The following MAEA variants were observed in gnomAD, a reference collection of about 807,000 sequenced individuals.
MAEA encodes E3 ubiquitin-protein transferase MAEA.
In MAEA, 22 loss-of-function variants were observed where a neutral mutation model predicts 46.2. That is an observed-to-expected ratio of 0.48 (90% CI 0.34 to 0.68). The LOEUF (loss-of-function observed/expected upper bound fraction) is 0.68, where lower values mean the gene tolerates loss of function less well. Ranked by LOEUF, MAEA falls within the 30% of genes least tolerant of loss-of-function variation. The probability of loss-of-function intolerance (pLI) is 0.01; values close to 1 mark genes in which losing one functional copy is unlikely to be tolerated. For synonymous variants in MAEA, 246 were observed against 222.6 expected, an observed-to-expected ratio of 1.11 and a Z score of -0.94; for missense variants, 393 against 558.1, an observed-to-expected ratio of 0.70 and a Z score of 2.98.
At position 1,338,497 on chromosome 4, in the gene MAEA, G is replaced by A. The variant is rs376976894; in HGVS notation, c.975G>A (p.Ala325=). 29 of 1,612,928 alleles carry A rather than the reference G, an allele frequency of 1.8e-5. No homozygotes were observed. The highest frequency in any genetic ancestry group is 1.6e-4 in the Middle Eastern group (1 of 6,082). ...PVCSRSLNKL[A]QPLPMAHCAN... The stretch of plus-strand genomic sequence containing the variant: ...GCAGCCGCTCCCTGAACAAGCTGGC[G>A]CAGCCCCTGCCCATGGCCCACTGTG... The change falls in exon 8 of 9, where the codon GCG becomes GCA. Residue 325 remains alanine (A), a synonymous_variant. Transcript: ENST00000303400.
At chr4:1,328,364 A>G (rs918053067) in intron 5 of MAEA, among the ~76,000 whole-genome samples, 20 of 152,218 alleles carry the variant, frequency 1.3e-4, no homozygotes, top group Non-Finnish European at 4.4e-5. Context: ...ATCGTCAGGC[A>G]GCAGTGGTCC....
At chr4:1,293,401 TAAATA>T (rs1734308449) in intron 1 of MAEA, among the ~76,000 whole-genome samples, 1 of 152,118 alleles carries the variant, frequency 6.6e-6, no homozygotes, top group Non-Finnish European at 1.5e-5. Context: ...AAATAATAAA[TAAATA>T]AAAGTAATTT....
At chr4:1,304,155 C>T (rs949619698) in intron 1 of MAEA, among the ~76,000 whole-genome samples, 7 of 152,136 alleles carry the variant, frequency 4.6e-5, no homozygotes, top group South Asian at 2.1e-4. Flanking sequence ...TTCTGTGAGC[C>T]GCATGTGGCT....
At chr4:1,327,504 C>T in intron 4 of MAEA, 123 bp from the exon 5 acceptor site, 1 of 757,912 alleles carries the variant, frequency 1.3e-6, no homozygotes, top group East Asian at 2.5e-5. Context: ...TTCCCCGTGC[C>T]TGTGAGAGAG....
intron 3 of MAEA, among the ~76,000 whole-genome samples, chr4:1,319,078 G>A (rs534099784): frequency 1.4e-4 from 21 of 152,336 alleles, no homozygotes; most frequent in South Asian, 8.3e-4. Flanking sequence ...TAGGCTGGAC[G>A]CAGGGCTCTC....
intron 3 of MAEA, among the ~76,000 whole-genome samples, chr4:1,321,863 T>TTTA (rs1738160686): frequency 5.7e-5 from 8 of 141,246 alleles, no homozygotes. Flanking sequence ...GTTACTCTGT[T>TTTA]TTTTTTGTTG....
chr4:1,292,560 C>T (rs574961653), intron 1 of MAEA, among the ~76,000 whole-genome samples: 11 of 152,226 alleles, frequency 7.2e-5, no homozygotes, highest in South Asian at 4.2e-4. Context: ...GAGCCTTTGT[C>T]GGTGGTGGGG....
intron 3 of MAEA, among the ~76,000 whole-genome samples, chr4:1,321,093 C>G (rs1738024158): frequency 1.3e-5 from 2 of 151,942 alleles, no homozygotes; most frequent in African/African-American, 4.8e-5. Flanking sequence ...GAGCGAGACT[C>G]CGTCTCAAAA....
intron 1 of MAEA, among the ~76,000 whole-genome samples, chr4:1,310,431 C>G (rs1030632874): frequency 6.6e-6 from 1 of 152,224 alleles, no homozygotes; most frequent in African/African-American, 2.4e-5. Flanking sequence ...TGATGGGACC[C>G]CAGGCTGCGT....
intron 1 of MAEA, among the ~76,000 whole-genome samples, chr4:1,305,287 T>C (rs1735719124): frequency 1.3e-5 from 2 of 152,200 alleles, no homozygotes; most frequent in South Asian, 4.1e-4. Flanking sequence ...GGAAAGCCGC[T>C]GCACTAGGTG....
intron 4 of MAEA, among the ~76,000 whole-genome samples, chr4:1,327,004 C>T (rs572728193): frequency 2.0e-5 from 3 of 151,822 alleles, no homozygotes; most frequent in Non-Finnish European, 2.9e-5. Context: ...CCCGCCCTGC[C>T]GACCTGGGTC....
chr4:1,328,077 G>A (rs755736072), intron 5 of MAEA, among the ~76,000 whole-genome samples: 8 of 152,266 alleles, frequency 5.3e-5, no homozygotes, highest in South Asian at 2.1e-4. Flanking sequence ...TGTCTCTGAC[G>A]TGTGGTCCTC....
At chr4:1,294,589 C>G (rs554206545) in intron 1 of MAEA, among the ~76,000 whole-genome samples, 113 of 151,568 alleles carry the variant, frequency 7.5e-4, no homozygotes, top group Non-Finnish European at 6.0e-4. Context: ...CCCATACCCC[C>G]CTCCGCAGCA....
Position 1,327,662 on chromosome 4 carries a change from C to T in MAEA, c.615C>T (p.Phe205=). 6.2e-7 allele frequency: 1 copy of T among 1,613,970 alleles called. No individual in the cohort carries two copies. Among genetic ancestry groups the T allele is most frequent in the Admixed American group, 1.7e-5 (1 of 60,018 alleles). The part of the protein sequence containing the change: ...CLEFSLRIQE[F]IELIRQNKRL... ...AGTTCAGCCTCAGAATCCAGGAGTT[C>T]ATTGAACTCATCCGGCAGAATAAGA... The change falls in exon 5 of 9, where the codon TTC becomes TTT. Residue 205 remains phenylalanine, a synonymous_variant. Transcript: ENST00000303400.
chr4:1,299,867 G>A (rs566528941), intron 1 of MAEA: 3 of 152,316 alleles, frequency 2.0e-5, no homozygotes, highest in African/African-American at 4.8e-5. Flanking sequence ...CTCGTGAGTC[G>A]TGACCGCTGT....
chr4:1,332,935 C>A, intron 6 of MAEA, 70 bp downstream of exon 6: 1 of 1,210,710 alleles, frequency 8.3e-7, no homozygotes, highest in Non-Finnish European at 1.2e-6. Flanking sequence ...TGGTCTGTAG[C>A]TGCTTCCACA....
rs368920603 is a variant in MAEA at position 1,314,034 on chromosome 4, A to G, written c.253-1363A>G. On this transcript the variant is annotated intron_variant, in intron 2 of 8. Coordinates refer to ENST00000303400, the MANE Select transcript of MAEA (RefSeq NM_001017405.3). ...GGGCAACAGAGTGAGACACTGTCTTAAAAAAGTGATTGGGCAGGCACAGTG... is the reference window on the plus strand; with the variant it reads ...GGGCAACAGAGTGAGACACTGTCTTGAAAAAGTGATTGGGCAGGCACAGTG... Among the ~76,000 whole-genome samples the G allele has an allele frequency of 5.6e-4, 85 of 152,274 alleles. 1 individual carries two copies. In the South Asian group the frequency reaches 0.015, roughly 27 times the overall value.
intron 1 of MAEA, among the ~76,000 whole-genome samples, chr4:1,307,243 A>C (rs752163539): frequency 6.6e-6 from 1 of 152,242 alleles, no homozygotes; most frequent in African/African-American, 2.4e-5. Flanking sequence ...CACACAGTAC[A>C]GTCATACCAT....
intron 6 of MAEA, among the ~76,000 whole-genome samples, chr4:1,334,285 G>A (rs1712448736): frequency 6.6e-6 from 1 of 151,474 alleles, no homozygotes; most frequent in Non-Finnish European, 1.5e-5. Flanking sequence ...TCTGTCAGAG[G>A]CCGGGGTGTT....
Sources: allele counts gnomAD v4.1 joint callset (sites outside exome capture counted in the v4.1 genomes callset), GRCh38; gene constraint gnomAD v4.1.1; transcripts MANE v1.5; gene names NCBI Gene and HGNC (gene_info 2026-07-23, HGNC 2026-07-21).